Variants in SPACA6 observed in about 807,000 individuals in gnomAD.
SPACA6 encodes the protein sperm acrosome associated 6.
For missense variants in SPACA6, 8 were observed against 2.8 expected (o/e 2.88, Z -1.34); for synonymous variants, 6 against 1.5 (o/e 4.05, Z -2.21).
At chr19:51,692,721 C>G (rs533580789), upstream of SPACA6, 322 of 534,008 alleles carry the variant, frequency 6.0e-4, 1 homozygote, top group Middle Eastern at 0.013. This position sits in a 1 kb window ranked among gnomAD's most constrained non-coding sequence, Gnocchi z 5.6. Flanking sequence ...CCGGCCCTCC[C>G]CCTCATCCCT....
chr19:51,712,870 G>GC (rs2083549376), downstream of SPACA6, among the ~76,000 whole-genome samples: 1 of 152,190 alleles, frequency 6.6e-6, no homozygotes, highest in South Asian at 2.1e-4. Flanking sequence ...TGCAGTACCT[G>GC]CCAGTGTGCG....
chr19:51,699,183 A>G (rs577961920), intron 2 of SPACA6, among the ~76,000 whole-genome samples: 10 of 152,076 alleles, frequency 6.6e-5, no homozygotes, highest in Admixed American at 2.0e-4. Context: ...AATTTATAAA[A>G]ATTTGTTTAG....
chr19:51,712,570 A>G (rs1025797174), downstream of SPACA6, among the ~76,000 whole-genome samples: 39 of 152,296 alleles, frequency 2.6e-4, no homozygotes, highest in African/African-American at 8.9e-4. Flanking sequence ...GTCTTTGAGC[A>G]GACAAAGAGG....
At chr19:51,691,202 AAGAG>A (rs60251233), upstream of SPACA6, among the ~76,000 whole-genome samples, 10 of 148,316 alleles carry the variant, frequency 6.7e-5, no homozygotes, top group African/African-American at 5.0e-5. Context: ...GGAAGGAGAA[AAGAG>A]AGAGAGAGAA....
chr19:51,693,773 T>G (rs2083398382), intron 1 of SPACA6, 33 bp downstream of exon 1: 1 of 404,844 alleles, frequency 2.5e-6, no homozygotes, highest in South Asian at 1.3e-4. Context: ...ATCAGTGTCC[T>G]GGGGAAGGTG....
intron 2 of SPACA6, among the ~76,000 whole-genome samples, chr19:51,710,815 C>G (rs116086627): frequency 0.011 from 1,608 of 152,314 alleles, 26 homozygotes; most frequent in African/African-American, 0.036. Flanking sequence ...CTTGGTGGCT[C>G]ACACCTGTAA....
chr19:51,712,818 G>C (rs1438271459), downstream of SPACA6, among the ~76,000 whole-genome samples: 1 of 152,188 alleles, frequency 6.6e-6, no homozygotes, highest in East Asian at 1.9e-4. Flanking sequence ...AAAGGGATGT[G>C]TTACCCTTCT....
intron 2 of SPACA6, among the ~76,000 whole-genome samples, chr19:51,698,846 T>A (rs1037259915): frequency 1.3e-5 from 2 of 152,222 alleles, no homozygotes; most frequent in Non-Finnish European, 2.9e-5. Flanking sequence ...AAGGCTAATA[T>A]GGCACCTCCA....
chr19:51,684,028 T>C, the SPACA6 span, among the ~76,000 whole-genome samples: 2 of 152,052 alleles, frequency 1.3e-5, no homozygotes, highest in Non-Finnish European at 2.9e-5. Flanking sequence ...AAAAATAAAA[T>C]CTTGGATTCT....
At chr19:51,694,308 A>C (rs2083406860) in intron 1 of SPACA6, 170 bp from the exon 2 acceptor site, 1 of 395,092 alleles carries the variant, frequency 2.5e-6, no homozygotes, top group African/African-American at 2.1e-5. Context: ...CTCAGGGAGG[A>C]TAGAGACTTG....
downstream of SPACA6, among the ~76,000 whole-genome samples, chr19:51,709,270 C>A (rs143309568): frequency 0.015 from 2,301 of 150,710 alleles, 41 homozygotes; most frequent in African/African-American, 0.046. Context: ...GCAATCCCAG[C>A]ACTTTGGGAA....
chr19:51,683,456 A>G, the SPACA6 span, among the ~76,000 whole-genome samples: 2 of 152,170 alleles, frequency 1.3e-5, no homozygotes, highest in South Asian at 4.1e-4. Context: ...TTAACTCACA[A>G]CAGGTATGAC....
At chr19:51,706,961 G>A (rs762375004), downstream of SPACA6, among the ~76,000 whole-genome samples, 3 of 151,992 alleles carry the variant, frequency 2.0e-5, no homozygotes, top group Non-Finnish European at 2.9e-5. Flanking sequence ...GCTCCCAGCC[G>A]TTAACTCATT....
At chr19:51,699,412 A>C (rs1228124662) in intron 2 of SPACA6, among the ~76,000 whole-genome samples, 1 of 152,108 alleles carries the variant, frequency 6.6e-6, no homozygotes, top group Non-Finnish European at 1.5e-5. Context: ...GAAGCTTTTT[A>C]TCTGTGTTCT....
intron 1 of SPACA6, chr19:51,693,975 CAGAG>C (rs533908044): frequency 1.4e-5 from 5 of 353,916 alleles, no homozygotes; most frequent in African/African-American, 9.0e-5. Flanking sequence ...GATGGAGACT[CAGAG>C]AGGGGGAGGA....
chr19:51,702,936 G>A (rs2083480972), intron 4 of SPACA6, 85 bp from the exon 5 acceptor site: 4 of 399,056 alleles, frequency 1.0e-5, no homozygotes, highest in Non-Finnish European at 1.8e-5. Flanking sequence ...ATGGACCCCG[G>A]GAAGCTGCAT....
intron 2 of SPACA6, among the ~76,000 whole-genome samples, chr19:51,698,994 A>G (rs1054416989): frequency 2.0e-5 from 3 of 152,124 alleles, no homozygotes; most frequent in African/African-American, 7.2e-5. Context: ...GAACAATAAG[A>G]TGGCACCACC....
Position 51,703,401 on chromosome 19 carries a change from G to A in SPACA6, c.573+64G>A, listed in dbSNP as rs2083485760. 2 of 398,704 alleles carry A rather than the reference G, an allele frequency of 5.0e-6. No homozygotes were observed. The highest frequency in any genetic ancestry group is 1.3e-4 in the South Asian group (1 of 7,742). The allele number at this position is 398,704 out of a possible 1,614,324, so 24.7% of individuals were successfully genotyped here. A position where few individuals can be genotyped will look rare whatever the true frequency, so the allele number is the denominator to read the frequency against. On this transcript the variant is annotated intron_variant, in intron 6 of 8. Transcript: ENST00000637797. This position sits in a 1 kb window ranked among gnomAD's most constrained non-coding sequence, Gnocchi z 4.2. ...GCGAGTTAGCCTTCACTAGAGGTTG[G>A]GGAGTCAGCTTGCGGGGACGGGACT...
upstream of SPACA6, among the ~76,000 whole-genome samples, chr19:51,691,385 G>GA (rs1443106190): frequency 2.0e-5 from 3 of 149,952 alleles, no homozygotes; most frequent in Admixed American, 6.6e-5. Context: ...AAAGACATCC[G>GA]AAAAAAGGGG....
Sources: allele counts gnomAD v4.1 joint callset (sites outside exome capture counted in the v4.1 genomes callset), GRCh38; gene constraint gnomAD v4.1.1; non-coding constraint Gnocchi (gnomAD v3.1); transcripts MANE v1.5; gene names NCBI Gene and HGNC (gene_info 2026-07-23, HGNC 2026-07-21).